CHSY1: variants seen among roughly 807,000 people sequenced by gnomAD.
CHSY1 encodes the protein chondroitin sulfate synthase 1.
In CHSY1, 13 loss-of-function variants were observed where a neutral mutation model predicts 59.8. That is an observed-to-expected ratio of 0.22 (90% CI 0.14 to 0.35). CHSY1 has a LOEUF of 0.35. Among genes scored for constraint, CHSY1 ranks in the 10% least tolerant of loss-of-function variants. The pLI is 1.00. For missense variants in CHSY1, 947 were observed against 1,030.6 expected (o/e 0.92, Z 1.11); for synonymous variants, 459 against 401.2 (o/e 1.14, Z -1.72).
At chr15:101,220,655 G>C (rs879692896) in intron 2 of CHSY1, among the ~76,000 whole-genome samples, 4 of 152,186 alleles carry the variant, frequency 2.6e-5, no homozygotes, top group African/African-American at 7.2e-5. Flanking sequence ...ATGGAGGCTC[G>C]TCTGCCCCAA....
chr15:101,224,777 G>C (rs1016561132), intron 2 of CHSY1, among the ~76,000 whole-genome samples: 5 of 152,238 alleles, frequency 3.3e-5, no homozygotes, highest in Admixed American at 2.6e-4. Flanking sequence ...AGACAACACC[G>C]CCTGAGGTGA....
intron 2 of CHSY1, among the ~76,000 whole-genome samples, chr15:101,199,013 C>T (rs1199656352): frequency 6.6e-6 from 1 of 152,166 alleles, no homozygotes; most frequent in Non-Finnish European, 1.5e-5. Context: ...GAAACTCATT[C>T]CTAAGTGTGG....
intron 2 of CHSY1, among the ~76,000 whole-genome samples, chr15:101,214,517 G>C (rs720054): frequency 0.31 from 47,902 of 152,190 alleles, 9,304 homozygotes; most frequent in African/African-American, 0.55. Context: ...TGCAACAGAT[G>C]CTTACATACT....
intron 2 of CHSY1, among the ~76,000 whole-genome samples, chr15:101,188,871 T>C (rs2038406170): frequency 6.6e-6 from 1 of 152,038 alleles, no homozygotes; most frequent in African/African-American, 2.4e-5. Context: ...CCGAAAACTA[T>C]CTAAACTCCC....
rs2038201857 is a variant in CHSY1, at chr15:101,177,182, G to A, written c.*206C>T. The A allele has an allele frequency of 1.9e-6, 1 of 519,634 alleles. No individual in the cohort carries two copies. Among genetic ancestry groups the A allele is most frequent in the Admixed American group, 3.7e-5 (1 of 27,076 alleles). The allele number at this position is 519,634 out of a possible 1,614,324, so 32.2% of individuals were successfully genotyped here. On this transcript the variant is annotated 3_prime_UTR_variant, in exon 3 of 3. Coordinates refer to ENST00000254190, the MANE Select transcript of CHSY1 (RefSeq NM_014918.5). ...TTTCAAGTCAAAGTTAAGCAGGTCTGCTACATAATGTTCAGCAAGAAGATG... is the reference window on the plus strand; with the variant it reads ...TTTCAAGTCAAAGTTAAGCAGGTCTACTACATAATGTTCAGCAAGAAGATG...
At chr15:101,184,502 CCACA>C (rs1411708698) in intron 2 of CHSY1, among the ~76,000 whole-genome samples, 1 of 151,882 alleles carries the variant, frequency 6.6e-6, no homozygotes. Flanking sequence ...GCATACACCA[CCACA>C]TACAGCTAAT....
At chr15:101,215,298 A>G (rs2038720275) in intron 2 of CHSY1, among the ~76,000 whole-genome samples, 1 of 152,258 alleles carries the variant, frequency 6.6e-6, no homozygotes, top group Admixed American at 6.5e-5. Flanking sequence ...TTTCCAGGGT[A>G]TACTATCAGT....
chr15:101,186,799 CAAACAAAAACAAAAACAA>C (rs796353974), intron 2 of CHSY1: 24 of 152,148 alleles, frequency 1.6e-4, no homozygotes, highest in African/African-American at 5.8e-4. Context: ...AAGACCCTGT[CAAACAAAAACAAAAACAA>C]AAACAAAAAC....
At chr15:101,201,343 G>A (rs2038572386) in intron 2 of CHSY1, among the ~76,000 whole-genome samples, 1 of 152,140 alleles carries the variant, frequency 6.6e-6, no homozygotes, top group Non-Finnish European at 1.5e-5. Flanking sequence ...AGCCTTCCGT[G>A]AATATCAACG....
chr15:101,231,982 T>C (rs902775265), intron 2 of CHSY1, among the ~76,000 whole-genome samples: 1 of 152,224 alleles, frequency 6.6e-6, no homozygotes, highest in African/African-American at 2.4e-5. Context: ...ATCCTCTGAC[T>C]TCTCTGTGAG....
chr15:101,234,679 C>T (rs1317654674), intron 2 of CHSY1, among the ~76,000 whole-genome samples: 2 of 152,150 alleles, frequency 1.3e-5, no homozygotes, highest in African/African-American at 4.8e-5. Flanking sequence ...CCAGCCTGGC[C>T]AGCATGGTGA....
chr15:101,248,568 G>C (rs72768601), intron 1 of CHSY1, among the ~76,000 whole-genome samples: 20,946 of 152,164 alleles, frequency 0.14, 1,818 homozygotes, highest in Middle Eastern at 0.22. Flanking sequence ...GGTGTCAAAA[G>C]AAAGGGAGAA....
At chr15:101,236,896 T>C (rs1213456547) in intron 1 of CHSY1, among the ~76,000 whole-genome samples, 1 of 151,962 alleles carries the variant, frequency 6.6e-6, no homozygotes, top group Non-Finnish European at 1.5e-5. Flanking sequence ...TTGGTATGTC[T>C]TTATCAGCAG....
chr15:101,178,285 C>T lies in CHSY1; in HGVS notation c.1512G>A (p.Leu504=). ...TCTTCAGGGAGTTTGAGAGAAAGGA[C>T]AAGGATCCAGATTCCTGATTGATTC... ...AKRINQESGS[L]SFLSNSLKKL... The change falls in exon 3 of 3, where the codon TTG becomes TTA. Residue 504 remains leucine (L), a synonymous_variant. Transcript: ENST00000254190. 6.2e-7 allele frequency: 1 copy of T among 1,611,820 alleles called. No homozygotes were observed. The highest frequency in any genetic ancestry group is 8.5e-7 in the Non-Finnish European group (1 of 1,178,056).
At chr15:101,243,901 C>G (rs181839212) in intron 1 of CHSY1, among the ~76,000 whole-genome samples, 175 of 152,304 alleles carry the variant, frequency 1.1e-3, no homozygotes, top group African/African-American at 4.1e-3. Flanking sequence ...ACACGCCGAG[C>G]AAAGTGTAAC....
At position 101,182,466 on chromosome 15, in the gene CHSY1, T is replaced by A. The variant is rs189781540; in HGVS notation, c.817-3486A>T. Among the ~76,000 whole-genome samples the A allele has an allele frequency of 5.3e-5, 8 of 152,342 alleles. No homozygotes were observed. The East Asian group carries it at 1.5e-3, about 29-fold the overall frequency. ...ATGTATCACAGTTGTTTTATACAGT[T>A]ATGAATGAATGCTGCATCTTAGTCC... On this transcript the variant is annotated intron_variant, in intron 2 of 2. Transcript: ENST00000254190.
At chr15:101,227,386 T>A (rs2412005) in intron 2 of CHSY1, among the ~76,000 whole-genome samples, 78,958 of 152,060 alleles carry the variant, frequency 0.52, 23,303 homozygotes, top group African/African-American at 0.83. Context: ...TGGAAGGGGA[T>A]AGGGGGCTGG....
At position 101,185,848 on chromosome 15, in the gene CHSY1, T is replaced by C. The variant is rs1046054320; in HGVS notation, c.817-6868A>G. Among the ~76,000 whole-genome samples the C allele has an allele frequency of 2.0e-5, 3 of 152,054 alleles. No homozygotes were observed. In the South Asian group the frequency reaches 6.2e-4, roughly 32 times the overall value. ...GTGAGATGAAACTGAATCATTTTGC[T>C]CTAGGCACATCAAGGAGAAATGCTG... On this transcript the variant is annotated intron_variant, in intron 2 of 2. Transcript: ENST00000254190.
intron 2 of CHSY1, among the ~76,000 whole-genome samples, chr15:101,181,828 T>C (rs2038283602): frequency 6.6e-6 from 1 of 152,210 alleles, no homozygotes; most frequent in Non-Finnish European, 1.5e-5. Context: ...CAAAAACCCA[T>C]GTATGAGTTT....
Sources: allele counts gnomAD v4.1 joint callset (sites outside exome capture counted in the v4.1 genomes callset), GRCh38; gene constraint gnomAD v4.1.1; transcripts MANE v1.5; gene names NCBI Gene and HGNC (gene_info 2026-07-23, HGNC 2026-07-21).